UGT1A9: variants seen among roughly 807,000 people sequenced by gnomAD.
UGT1A9 encodes UDP glucuronosyltransferase family 1 member A9.
In UGT1A9, 35 loss-of-function variants were observed where a neutral mutation model predicts 45.0. The ratio of observed to expected loss-of-function variants is 0.78; its 90% CI spans 0.59 to 1.03. The LOEUF is 1.03. Ranked by LOEUF, UGT1A9 falls within the 50% of genes least tolerant of loss-of-function variation. UGT1A9 has a pLI of 0.00. For missense variants in UGT1A9, 687 were observed against 666.6 expected (o/e 1.03, Z -0.34); for synonymous variants, 278 against 250.6 (o/e 1.11, Z -1.03).
At chr2:233,687,451 C>T (rs1271564164) in intron 1 of UGT1A9, among the ~76,000 whole-genome samples, 2 of 152,024 alleles carry the variant, frequency 1.3e-5, no homozygotes, top group Non-Finnish European at 2.9e-5. Flanking sequence ...TAAGTATTTA[C>T]ATGGAAGCTG....
At chr2:233,724,982 C>A (rs1242883505) in intron 1 of UGT1A9, among the ~76,000 whole-genome samples, 1 of 134,788 alleles carries the variant, frequency 7.4e-6, no homozygotes. Context: ...GGATCACTCG[C>A]GGTTAGGGGC....
intron 1 of UGT1A9, among the ~76,000 whole-genome samples, chr2:233,695,994 A>G (rs1020897173): frequency 6.6e-6 from 1 of 152,182 alleles, no homozygotes; most frequent in Admixed American, 6.5e-5. Flanking sequence ...CCACCTGAAG[A>G]TAGCATCAGG....
chr2:233,681,190 C>T lies in UGT1A9; in HGVS notation c.855+8401C>T, dbSNP rs147952839. ...GCTAAGACCCTTGCTCTCTTTCCGTCGAACATGAGATGCCAATTTCTTTCT... is the reference window on the plus strand; with the variant it reads ...GCTAAGACCCTTGCTCTCTTTCCGTTGAACATGAGATGCCAATTTCTTTCT... On this transcript the variant is annotated intron_variant, in intron 1 of 4. Coordinates refer to ENST00000354728, the MANE Select transcript of UGT1A9 (RefSeq NM_021027.3). Among the ~76,000 whole-genome samples the T allele has an allele frequency of 3.9e-5, 6 of 151,964 alleles. No homozygotes were observed. In the East Asian group the frequency reaches 9.8e-4, roughly 25 times the overall value.
intron 1 of UGT1A9, among the ~76,000 whole-genome samples, chr2:233,759,662 G>C (rs1697226515): frequency 1.6e-5 from 2 of 126,634 alleles, no homozygotes; most frequent in South Asian, 2.5e-4. Context: ...CTAAGTTCCT[G>C]CTCATGTGTT....
At chr2:233,681,798 G>A in intron 1 of UGT1A9, 1 of 1,474,864 alleles carries the variant, frequency 6.8e-7, no homozygotes, top group Non-Finnish European at 9.0e-7. Context: ...TAAATCATTG[G>A]CAGTGAATGT....
intron 1 of UGT1A9, among the ~76,000 whole-genome samples, chr2:233,764,749 G>A (rs2126012049): frequency 6.6e-6 from 1 of 152,298 alleles, no homozygotes; most frequent in East Asian, 1.9e-4. Flanking sequence ...GAGATGTGGT[G>A]CAGACCCTAG....
intron 1 of UGT1A9, among the ~76,000 whole-genome samples, chr2:233,757,541 T>TATACATATACATAC (rs1229454769): frequency 8.5e-6 from 1 of 117,592 alleles, no homozygotes; most frequent in Admixed American, 8.1e-5. Context: ...AAGGAATATA[T>TATACATATACATAC]ATATATATAT....
chr2:233,685,448 C>T (rs1020256120), intron 1 of UGT1A9, among the ~76,000 whole-genome samples: 1 of 152,216 alleles, frequency 6.6e-6, no homozygotes, highest in Non-Finnish European at 1.5e-5. Context: ...GCTGAATCTA[C>T]ACCATCTAGG....
chr2:233,679,168 C>T lies in UGT1A9; in HGVS notation c.855+6379C>T, dbSNP rs141230614. The stretch of plus-strand genomic sequence containing the variant: ...ATTAGAGATGTTGGGTTTGGAAGCA[C>T]GTAGACCATTTTGACACCTTCAGTG... On this transcript the variant is annotated intron_variant, in intron 1 of 4. Coordinates refer to ENST00000354728, the MANE Select transcript of UGT1A9 (RefSeq NM_021027.3). Among the ~76,000 whole-genome samples, 410 of 152,232 alleles carry T rather than the reference C, an allele frequency of 2.7e-3. 1 individual carries two copies. Among genetic ancestry groups the T allele is most frequent in the Middle Eastern group, 6.8e-3 (2 of 294 alleles).
At chr2:233,737,905 A>C (rs1690628626) in intron 1 of UGT1A9, among the ~76,000 whole-genome samples, 1 of 152,094 alleles carries the variant, frequency 6.6e-6, no homozygotes. Flanking sequence ...AGTGTGGTAA[A>C]GAACAGGCTA....
chr2:233,697,318 G>A (rs2075384581), intron 1 of UGT1A9, among the ~76,000 whole-genome samples: 1 of 152,016 alleles, frequency 6.6e-6, no homozygotes. Context: ...GATTGTTTGT[G>A]TTTGGAAATG....
intron 1 of UGT1A9, chr2:233,747,623 G>A: frequency 6.3e-7 from 1 of 1,577,752 alleles, no homozygotes; most frequent in Non-Finnish European, 8.7e-7. Flanking sequence ...ATGAGGCCCT[G>A]ATCAGGCACC....
Position 233,702,529 on chromosome 2 carries a change from C to T in UGT1A9, c.855+29740C>T, listed in dbSNP as rs1333011305. ...AGAAGTGGAAAGAGGAGATTCTTAT[C>T]TTGTTCCTGATCTTAGGTGGGGAAG... On this transcript the variant is annotated intron_variant, in intron 1 of 4. Coordinates refer to ENST00000354728, the MANE Select transcript of UGT1A9 (RefSeq NM_021027.3). Among the ~76,000 whole-genome samples, 10 of 152,248 alleles carry T rather than the reference C, an allele frequency of 6.6e-5. No individual in the cohort carries two copies. The East Asian group carries it at 9.6e-4, about 15-fold the overall frequency.
At chr2:233,699,496 T>A (rs1207388053) in intron 1 of UGT1A9, among the ~76,000 whole-genome samples, 1 of 152,174 alleles carries the variant, frequency 6.6e-6, no homozygotes, top group Admixed American at 6.5e-5. Flanking sequence ...CTACTTGTAA[T>A]ACAAAGAACT....
At position 233,672,170 on chromosome 2, in the gene UGT1A9, C is replaced by T. The variant is rs1161640313; in HGVS notation, c.236C>T (p.Thr79Ile). 1 of 1,614,184 alleles carries T rather than the reference C, an allele frequency of 6.2e-7. No individual in the cohort carries two copies. Among genetic ancestry groups the T allele is most frequent in the Non-Finnish European group, 8.5e-7 (1 of 1,180,026 alleles). Residue 79 changes from threonine (T) to isoleucine (I), a missense_variant, in exon 1 of 5, where the codon ACT becomes ATT. Thr to Ile is a moderately conservative substitution (Grantham distance 89). Coordinates refer to ENST00000354728, the MANE Select transcript of UGT1A9 (RefSeq NM_021027.3). ...SLNCTVKTYSTSYTLEDLDRE... is the reference protein window; with the variant it reads ...SLNCTVKTYSISYTLEDLDRE... Reference sequence around the variant, plus strand: ...AATTGCACAGTGAAGACTTATTCAACTTCATATACCCTGGAGGATCTGGAC... The same window carrying T: ...AATTGCACAGTGAAGACTTATTCAATTTCATATACCCTGGAGGATCTGGAC...
At position 233,743,716 on chromosome 2, in the gene UGT1A9, G is replaced by A. The variant is rs779950685; in HGVS notation, c.856-23318G>A. ...CGCCCTCCGCCCCCGCCTCGCCATA[G>A]CGGTCATAGATATCGCGTTTCTTGG... On this transcript the variant is annotated intron_variant, in intron 1 of 4. Coordinates refer to ENST00000354728, the MANE Select transcript of UGT1A9 (RefSeq NM_021027.3). 152 of 1,367,230 alleles carry A rather than the reference G, an allele frequency of 1.1e-4. 1 individual carries two copies. The highest frequency in any genetic ancestry group is 6.5e-5 in the Non-Finnish European group (66 of 1,021,862). The allele number at this position is 1,367,230 out of a possible 1,614,324, so 84.7% of individuals were successfully genotyped here.
intron 1 of UGT1A9, among the ~76,000 whole-genome samples, chr2:233,705,578 G>A (rs549130522): frequency 2.0e-5 from 3 of 152,288 alleles, no homozygotes; most frequent in African/African-American, 7.2e-5. Flanking sequence ...GGATAGAAAT[G>A]GTTTATGGAT....
chr2:233,747,345 C>G (rs905208353), intron 1 of UGT1A9: 1 of 1,602,430 alleles, frequency 6.2e-7, no homozygotes, highest in Admixed American at 1.7e-5. Context: ...GGCTCGCATG[C>G]GGGAGGCCGT....
At position 233,718,744 on chromosome 2, in the gene UGT1A9, G is replaced by A. The variant is rs545172755; in HGVS notation, c.855+45955G>A. 901 of 1,612,042 alleles carry A rather than the reference G, an allele frequency of 5.6e-4. 10 individuals carry two copies. The South Asian group carries it at 9.2e-3, about 16-fold the overall frequency. On this transcript the variant is annotated intron_variant, in intron 1 of 4. Transcript: ENST00000354728. ...GATTTGCTAGGTGGCTCAATGACAA[G>A]GTAATTAAGGCGAAGGAAACAAATG...
Sources: allele counts gnomAD v4.1 joint callset (sites outside exome capture counted in the v4.1 genomes callset), GRCh38; gene constraint gnomAD v4.1.1; transcripts MANE v1.5; gene names NCBI Gene and HGNC (gene_info 2026-07-23, HGNC 2026-07-21).